ZNF14: variants seen among roughly 807,000 people sequenced by gnomAD.
ZNF14 encodes gonadotropin inducible transcription repressor-4.
Under a neutral mutation model 11.3 loss-of-function variants are expected in ZNF14, and 9 were observed. The observed-to-expected ratio is 0.80, with a 90% CI of 0.48 to 1.39. The LOEUF is 1.39. ZNF14 is among the 40% of genes most tolerant of loss of function. The pLI, the probability that ZNF14 is intolerant of heterozygous loss-of-function variation, is 0.00. For synonymous variants in ZNF14, 239 were observed against 245.7 expected (o/e 0.97, Z 0.25); for missense variants, 711 against 763.9 (o/e 0.93, Z 0.82).
At chr19:19,729,300 C>T (rs2062416320) in intron 1 of ZNF14, among the ~76,000 whole-genome samples, 1 of 146,280 alleles carries the variant, frequency 6.8e-6, no homozygotes, top group African/African-American at 2.5e-5. Context: ...AACTGATCCT[C>T]ATCACTTTAC....
chr19:19,722,097 C>T (rs2062394794), intron 1 of ZNF14, among the ~76,000 whole-genome samples: 1 of 152,116 alleles, frequency 6.6e-6, no homozygotes, highest in African/African-American at 2.4e-5. Flanking sequence ...ATTCCAACCA[C>T]ATAAACCAGG....
intron 1 of ZNF14, among the ~76,000 whole-genome samples, chr19:19,723,224 T>C (rs1050165559): frequency 3.3e-5 from 5 of 152,218 alleles, no homozygotes; most frequent in Admixed American, 1.3e-4. Flanking sequence ...TTGTCATAGA[T>C]AGCTCTTATT....
intron 1 of ZNF14, among the ~76,000 whole-genome samples, chr19:19,714,714 T>TTTTTTC (rs1568448963): frequency 1.9e-4 from 8 of 42,404 alleles, no homozygotes; most frequent in African/African-American, 2.0e-4. Context: ...TTTCTTTTTC[T>TTTTTTC]TTTTTTTTTT....
At chr19:19,718,172 T>A (rs1462006481) in intron 1 of ZNF14, among the ~76,000 whole-genome samples, 1 of 152,124 alleles carries the variant, frequency 6.6e-6, no homozygotes, top group Non-Finnish European at 1.5e-5. Context: ...AGAACCAGAT[T>A]AGGTATAGAA....
At position 19,712,232 on chromosome 19, in the gene ZNF14, C is replaced by T; in HGVS notation, c.1049G>A (p.Cys350Tyr). Residue 350 changes from cysteine (C) to tyrosine (Y), a missense_variant, in exon 4 of 4, where the codon TGT (cysteine) becomes TAT (tyrosine). By Grantham distance (194) the Cys-to-Tyr change is radical. Transcript: ENST00000344099. The stretch of plus-strand genomic sequence containing the variant: ...AATATGAGTTCTTTCATGCACTCGA[C>T]AGGAATTAGAAGAGTTGAAGGCTTT... ...CGKAFNSSNSCRVHERTHIGE... is the reference protein window; with the variant it reads ...CGKAFNSSNSYRVHERTHIGE... 1.9e-6 allele frequency: 3 copies of T among 1,613,840 alleles called. No homozygotes were observed. Among genetic ancestry groups the T allele is most frequent in the Middle Eastern group, 1.7e-4 (1 of 6,058 alleles).
At chr19:19,721,516 C>T (rs1483187291) in intron 1 of ZNF14, among the ~76,000 whole-genome samples, 1 of 152,196 alleles carries the variant, frequency 6.6e-6, no homozygotes, top group Admixed American at 6.6e-5. Flanking sequence ...AGTGGCACTA[C>T]ACTGTTTTCT....
chr19:19,721,209 G>A (rs2062392602), intron 1 of ZNF14, among the ~76,000 whole-genome samples: 1 of 152,078 alleles, frequency 6.6e-6, no homozygotes, highest in Admixed American at 6.6e-5. Context: ...GCCCGCCTTG[G>A]CCTCCCAAAG....
intron 1 of ZNF14, among the ~76,000 whole-genome samples, chr19:19,727,736 T>C (rs1430757604): frequency 7.5e-6 from 1 of 134,072 alleles, no homozygotes; most frequent in African/African-American, 2.8e-5. Flanking sequence ...ATCCAATCAA[T>C]GCATCTTTAT....
At position 19,716,859 on chromosome 19, in the gene ZNF14, T is replaced by C. The variant is rs148802509; in HGVS notation, c.4-2372A>G. 1.3e-3 allele frequency among the ~76,000 whole-genome samples: 192 copies of C among 152,268 alleles called. 1 individual carries two copies. The highest frequency in any genetic ancestry group is 4.4e-3 in the African/African-American group (184 of 41,552). ...ACATAATGTTCTTCTTAAGAAGACC[T>C]GTTCTCAAAAAATTCCATTTCAACA... On this transcript the variant is annotated intron_variant, in intron 1 of 3. Transcript: ENST00000344099.
In ZNF14 at chr19:19,711,112, A is replaced by G. The variant is rs1019368474; in HGVS notation, c.*240T>C. On this transcript the variant is annotated 3_prime_UTR_variant, in exon 4 of 4. Transcript: ENST00000344099. ...AAACAAAAAACAAAAAACAAAACAG[A>G]TTTCACTGCAGCACGAGTCCTGTCT... The G allele has an allele frequency of 9.1e-6, 4 of 441,128 alleles. No homozygotes were observed. Among genetic ancestry groups the G allele is most frequent in the African/African-American group, 8.1e-5 (4 of 49,124 alleles). The allele number at this position is 441,128 out of a possible 1,614,324, so 27.3% of individuals were successfully genotyped here. A position where few individuals can be genotyped will look rare whatever the true frequency, so the allele number is the denominator to read the frequency against.
chr19:19,724,653 G>A (rs975911397), intron 1 of ZNF14, among the ~76,000 whole-genome samples: 11 of 133,442 alleles, frequency 8.2e-5, no homozygotes, highest in African/African-American at 3.0e-4. Context: ...TTTCTGTCTT[G>A]TTGATCTGTC....
chr19:19,732,899 G>T (rs1169790615), intron 1 of ZNF14, 57 bp downstream of exon 1: 4 of 1,603,922 alleles, frequency 2.5e-6, no homozygotes, highest in Admixed American at 1.7e-5. Context: ...CCCCGGCCTC[G>T]GCCACAGACG....
Position 19,711,757 on chromosome 19 carries a change from G to A in ZNF14, c.1524C>T (p.Cys508=), listed in dbSNP as rs16996257. The part of the protein sequence containing the change: ...TGEKPYECKL[C]GKTFSFSSSL... Reference sequence around the variant, plus strand: ...AACTTGAAAAACTGAAGGTTTTACCGCATAGTTTACATTCATAGGGTTTCT... The same window carrying A: ...AACTTGAAAAACTGAAGGTTTTACCACATAGTTTACATTCATAGGGTTTCT... The change falls in exon 4 of 4, where the codon TGC becomes TGT. Residue 508 remains cysteine, a synonymous_variant. Coordinates refer to ENST00000344099, the MANE Select transcript of ZNF14 (RefSeq NM_021030.3). 2.6e-3 allele frequency: 4,123 copies of A among 1,610,906 alleles called. 110 individuals carry two copies. In the African/African-American group the frequency reaches 0.048, roughly 19 times the overall value.
intron 3 of ZNF14, among the ~76,000 whole-genome samples, chr19:19,713,307 G>T (rs1234907177): frequency 6.6e-6 from 1 of 152,178 alleles, no homozygotes; most frequent in Non-Finnish European, 1.5e-5. Context: ...TTAAATAAGA[G>T]ATGGAGTCTC....
In ZNF14 at chr19:19,733,073, C is replaced by G; in HGVS notation, c.-115G>C. On this transcript the variant is annotated 5_prime_UTR_variant, in exon 1 of 4. Transcript: ENST00000344099. ...CTTCGGCCTTCAGGAGCAGGTGAAA[C>G]GCAATCTTCCCATGGGCCAGGAATG... 2 of 1,359,190 alleles carry G rather than the reference C, an allele frequency of 1.5e-6. No individual in the cohort carries two copies. Among genetic ancestry groups the G allele is most frequent in the Non-Finnish European group, 2.0e-6 (2 of 983,614 alleles). 84.2% of individuals were successfully genotyped at this position (1,359,190 alleles called of 1,614,324 possible). A position where few individuals can be genotyped will look rare whatever the true frequency, so the allele number is the denominator to read the frequency against.
chr19:19,712,224 G>A lies in ZNF14; in HGVS notation c.1057C>T (p.His353Tyr), dbSNP rs1408134812. 1.2e-6 allele frequency: 2 copies of A among 1,613,956 alleles called. No individual in the cohort carries two copies. Among genetic ancestry groups the A allele is most frequent in the Admixed American group, 1.7e-5 (1 of 59,984 alleles). ...TTTTCTCCAATATGAGTTCTTTCATGCACTCGACAGGAATTAGAAGAGTTG... is the reference window on the plus strand; with the variant it reads ...TTTTCTCCAATATGAGTTCTTTCATACACTCGACAGGAATTAGAAGAGTTG... The part of the protein sequence containing the change: ...AFNSSNSCRV[H>Y]ERTHIGEKPY... The change falls in exon 4 of 4, where the codon CAT (histidine) becomes TAT (tyrosine). Residue 353 changes from histidine to tyrosine, a missense_variant. By Grantham distance (83) the His-to-Tyr change is moderately conservative. Transcript: ENST00000344099.
chr19:19,727,512 C>G (rs4281843), intron 1 of ZNF14, among the ~76,000 whole-genome samples: 36,359 of 131,034 alleles, frequency 0.28, 11,515 homozygotes, highest in Non-Finnish European at 0.38. Flanking sequence ...CCTACCACTC[C>G]TACTAAAGCC....
intron 1 of ZNF14, among the ~76,000 whole-genome samples, chr19:19,714,701 C>CTTTTT (rs938391262): frequency 3.4e-5 from 4 of 117,250 alleles, no homozygotes; most frequent in African/African-American, 8.6e-5. Context: ...TTTCTTTTTC[C>CTTTTT]TTTTTCTTTT....
Position 19,712,753 on chromosome 19 carries a change from T to C in ZNF14, c.528A>G (p.Lys176=). ...VKPYECKQCG[K]AFIYYQPFQR... The stretch of plus-strand genomic sequence containing the variant: ...GAAATGGCTGGTAATATATAAAGGC[T>C]TTCCCACACTGTTTACATTCATAGG... The change falls in exon 4 of 4, where the codon AAA becomes AAG. Residue 176 remains lysine (K), a synonymous_variant. Transcript: ENST00000344099. The C allele has an allele frequency of 6.2e-7, 1 of 1,613,576 alleles. No homozygotes were observed. The highest frequency in any genetic ancestry group is 1.7e-4 in the Middle Eastern group (1 of 6,052).
Sources: allele counts gnomAD v4.1 joint callset (sites outside exome capture counted in the v4.1 genomes callset), GRCh38; gene constraint gnomAD v4.1.1; transcripts MANE v1.5; gene names NCBI Gene and HGNC (gene_info 2026-07-23, HGNC 2026-07-21).